PKNOX2: variants seen among roughly 807,000 people sequenced by gnomAD.
PKNOX2 encodes homeobox protein PKNOX2.
A neutral mutation model predicts 53.1 loss-of-function variants in PKNOX2; 14 were observed. The observed-to-expected ratio is 0.26, with a 90% confidence interval of 0.17 to 0.41. The LOEUF (loss-of-function observed/expected upper bound fraction) is 0.41, where lower values mean the gene tolerates loss of function less well. Ranked by LOEUF, PKNOX2 falls within the 10% of genes least tolerant of loss-of-function variation. PKNOX2 has a pLI of 1.00. For missense variants in PKNOX2, 496 were observed against 602.8 expected (o/e 0.82, Z 1.85); for synonymous variants, 257 against 242.8 (o/e 1.06, Z -0.54).
At chr11:125,336,470 G>A (rs1950435960) in intron 3 of PKNOX2, among the ~76,000 whole-genome samples, 1 of 149,754 alleles carries the variant, frequency 6.7e-6, no homozygotes. Flanking sequence ...TCTATTTTTA[G>A]TTCATAGCAT....
intron 5 of PKNOX2, among the ~76,000 whole-genome samples, chr11:125,378,796 G>A (rs114554578): frequency 0.012 from 1,796 of 152,268 alleles, 41 homozygotes; most frequent in African/African-American, 0.041. Flanking sequence ...TCCCCTTGCC[G>A]GTGACCACCC....
Position 125,410,830 on chromosome 11 carries a change from T to A in PKNOX2, c.770T>A (p.Val257Asp). The A allele has an allele frequency of 6.2e-7, 1 of 1,614,000 alleles. No homozygotes were observed. Among genetic ancestry groups the A allele is most frequent in the Non-Finnish European group, 8.5e-7 (1 of 1,179,978 alleles). The change falls in exon 9 of 13, where the codon GTC becomes GAC. Residue 257 changes from valine (V) to aspartate (D), a missense_variant. Physicochemically the swap from Val to Asp is radical, Grantham distance 152. Around this residue, in one of 5 missense-constraint regions of PKNOX2, gnomAD observed 141 missense variants for 143.9 expected, o/e 0.98. Coordinates refer to ENST00000298282, the MANE Select transcript of PKNOX2 (RefSeq NM_001382323.2). ...VTMVTSQGQV[V>D]TQAIPQGAIQ... The stretch of plus-strand genomic sequence containing the variant: ...ATGGTAACCTCCCAGGGTCAGGTGG[T>A]CACCCAAGCAATCCCCCAGGGAGCC...
chr11:125,199,424 C>T lies in PKNOX2; in HGVS notation c.-201+34648C>T, dbSNP rs181731077. 5.9e-3 allele frequency among the ~76,000 whole-genome samples: 900 copies of T among 152,290 alleles called. 9 individuals are homozygous for T. The highest frequency in any genetic ancestry group is 0.021 in the African/African-American group (854 of 41,566). On this transcript the variant is annotated intron_variant, in intron 1 of 12. Transcript: ENST00000298282. ...GCCAGCCCCGCACATGCATTCAGTGCTAATTAAATATATTATCCATCTGAG... is the reference window on the plus strand; with the variant it reads ...GCCAGCCCCGCACATGCATTCAGTGTTAATTAAATATATTATCCATCTGAG...
chr11:125,280,689 C>T (rs1482739841), intron 2 of PKNOX2, among the ~76,000 whole-genome samples: 1 of 152,120 alleles, frequency 6.6e-6, no homozygotes, highest in Non-Finnish European at 1.5e-5. Flanking sequence ...ATGCATGTTA[C>T]CGTTCAGTGC....
chr11:125,185,278 G>A (rs1415784516), intron 1 of PKNOX2, among the ~76,000 whole-genome samples: 3 of 152,052 alleles, frequency 2.0e-5, no homozygotes, highest in African/African-American at 7.2e-5. Flanking sequence ...CATTTGTTTG[G>A]TTGGGCTCTC....
At chr11:125,347,045 C>A (rs12274560) in intron 3 of PKNOX2, among the ~76,000 whole-genome samples, 20,230 of 152,166 alleles carry the variant, frequency 0.13, 4,189 homozygotes, top group African/African-American at 0.44. Flanking sequence ...CTGAGAAAGA[C>A]ACTTGACCAG....
chr11:125,198,773 T>G (rs1338658364), intron 1 of PKNOX2, among the ~76,000 whole-genome samples: 1 of 151,696 alleles, frequency 6.6e-6, no homozygotes, highest in Non-Finnish European at 1.5e-5. Context: ...CAGATTCTAC[T>G]CCCTCACCTC....
At chr11:125,366,049 GTTTA>G (rs1227886427) in intron 4 of PKNOX2, among the ~76,000 whole-genome samples, 2 of 152,202 alleles carry the variant, frequency 1.3e-5, no homozygotes, top group African/African-American at 4.8e-5. Context: ...TCAGAATTCA[GTTTA>G]TTTGTCTATT....
Position 125,261,812 on chromosome 11 carries a change from C to T in PKNOX2, c.-130+26697C>T, listed in dbSNP as rs545467716. Among the ~76,000 whole-genome samples, 371 of 152,350 alleles carry T rather than the reference C, an allele frequency of 2.4e-3. 1 individual carries two copies. Among genetic ancestry groups the T allele is most frequent in the South Asian group, 9.5e-3 (46 of 4,830 alleles). On this transcript the variant is annotated intron_variant, in intron 2 of 12. Coordinates refer to ENST00000298282, the MANE Select transcript of PKNOX2 (RefSeq NM_001382323.2). ...CACAATAGAATTAACTGGCCCGAGA[C>T]ACCAAATTTTTGTGAAAAAGGTGGT...
chr11:125,424,122 G>T (rs1591568398), intron 10 of PKNOX2, among the ~76,000 whole-genome samples: 1 of 151,708 alleles, frequency 6.6e-6, no homozygotes, highest in South Asian at 2.1e-4. Context: ...GGTGTTTGGG[G>T]GGACAGAAGG....
chr11:125,180,642 T>C (rs1445769365), intron 1 of PKNOX2, among the ~76,000 whole-genome samples: 1 of 133,040 alleles, frequency 7.5e-6, no homozygotes, highest in African/African-American at 2.7e-5. Flanking sequence ...CCAGGACTCT[T>C]CACGAAGCTT....
At chr11:125,342,782 G>T in intron 3 of PKNOX2, among the ~76,000 whole-genome samples, 1 of 150,470 alleles carries the variant, frequency 6.6e-6, no homozygotes. Flanking sequence ...GGGGAGGGGC[G>T]GGCCGGGGCT....
At chr11:125,207,055 T>G (rs950449720) in intron 1 of PKNOX2, among the ~76,000 whole-genome samples, 1 of 151,044 alleles carries the variant, frequency 6.6e-6, no homozygotes. Flanking sequence ...GACTGATCTG[T>G]ATGTGGGAGA....
In PKNOX2 at chr11:125,332,549, C is replaced by T. The variant is rs530177475; in HGVS notation, c.-23+624C>T. On this transcript the variant is annotated intron_variant, in intron 3 of 12. Transcript: ENST00000298282. ...TTAAGTAACTTCATGATCCCACAGA[C>T]GTAAGTATCAATATAGGCAGGCATG... 9.2e-5 allele frequency: 14 copies of T among 152,258 alleles called. No individual in the cohort carries two copies. The East Asian group carries it at 2.1e-3, about 23-fold the overall frequency. The allele number at this position is 152,258 out of a possible 1,614,324, so 9.4% of individuals were successfully genotyped here. A position where few individuals can be genotyped will look rare whatever the true frequency, so the allele number is the denominator to read the frequency against.
chr11:125,361,745 C>A (rs982000524), intron 4 of PKNOX2, among the ~76,000 whole-genome samples: 1 of 152,316 alleles, frequency 6.6e-6, no homozygotes, highest in Non-Finnish European at 1.5e-5. Context: ...TTGGTATCAG[C>A]CCCACTTCTA....
At chr11:125,190,937 T>C (rs1956841531) in intron 1 of PKNOX2, 1 of 152,220 alleles carries the variant, frequency 6.6e-6, no homozygotes, top group South Asian at 2.1e-4. Flanking sequence ...AGGGCTGGAA[T>C]TATTTGCTGC....
intron 6 of PKNOX2, among the ~76,000 whole-genome samples, chr11:125,390,504 A>G (rs917278088): frequency 2.0e-5 from 3 of 152,256 alleles, no homozygotes; most frequent in South Asian, 2.1e-4. Context: ...TTTCCAGGTG[A>G]GGAAATTACA....
chr11:125,431,448 C>A lies in PKNOX2; in HGVS notation c.*56C>A, dbSNP rs953283699. ...GCAGGAGAGGAGTGTCGCCGGGAGG[C>A]CTTCAGGGTGGGGGGGAAGGGGACA... On this transcript the variant is annotated 3_prime_UTR_variant, in exon 13 of 13. Coordinates refer to ENST00000298282, the MANE Select transcript of PKNOX2 (RefSeq NM_001382323.2). 1.7e-6 allele frequency: 2 copies of A among 1,191,900 alleles called. No individual in the cohort carries two copies. The highest frequency in any genetic ancestry group is 3.2e-5 in the South Asian group (1 of 31,502). 73.8% of individuals were successfully genotyped at this position (1,191,900 alleles called of 1,614,324 possible).
At position 125,315,149 on chromosome 11, in the gene PKNOX2, C is replaced by A. The variant is rs1476689447; in HGVS notation, c.-129-16670C>A. Among the ~76,000 whole-genome samples the A allele has an allele frequency of 3.3e-5, 5 of 152,182 alleles. No homozygotes were observed. In the East Asian group the frequency reaches 9.7e-4, roughly 30 times the overall value. On this transcript the variant is annotated intron_variant, in intron 2 of 12. Transcript: ENST00000298282. ...GGAGGTTCACATGGGCCCACCCCTG[C>A]TCTCCACAGCATCCCCCTCTCCCCA...
Sources: allele counts gnomAD v4.1 joint callset (sites outside exome capture counted in the v4.1 genomes callset), GRCh38; gene constraint gnomAD v4.1.1; regional missense constraint gnomAD v4.1.1; transcripts MANE v1.5; gene names NCBI Gene and HGNC (gene_info 2026-07-23, HGNC 2026-07-21).